The following KIF9 variants were observed in gnomAD, a reference collection of about 807,000 sequenced individuals.
KIF9 encodes the protein kinesin-like protein KIF9.
KIF9 carries 68 observed loss-of-function variants against 94.8 expected under a neutral mutation model. The ratio of observed to expected loss-of-function variants is 0.72; its 90% confidence interval spans 0.59 to 0.88. KIF9 has a LOEUF of 0.88. Among genes scored for constraint, KIF9 ranks in the 40% least tolerant of loss-of-function variants. KIF9 has a pLI of 0.00. For synonymous variants in KIF9, 343 were observed against 362.1 expected, an observed-to-expected ratio of 0.95 and a Z score of 0.60; for missense variants, 882 against 982.5, an observed-to-expected ratio of 0.90 and a Z score of 1.37.
chr3:47,236,814 A>G (rs1027191009), intron 17 of KIF9, among the ~76,000 whole-genome samples, 195 bp from the exon 18 acceptor site: 3 of 152,152 alleles, frequency 2.0e-5, no homozygotes, highest in African/African-American at 4.8e-5. Context: ...CAGGGAGGGG[A>G]GCTCAGCTCA....
Position 47,244,661 on chromosome 3 carries a change from C to G in KIF9, c.1514+130G>C, listed in dbSNP as rs1018038749. 4.3e-6 allele frequency: 5 copies of G among 1,154,870 alleles called. No homozygotes were observed. The African/African-American group carries it at 7.7e-5, about 18-fold the overall frequency. The allele number at this position is 1,154,870 out of a possible 1,614,324, so 71.5% of individuals were successfully genotyped here. On this transcript the variant is annotated intron_variant, in intron 15 of 20. Transcript: ENST00000684063. ...GGCCCCACAGACTTGCTAGTATTGG[C>G]AGCAGTGACGTCCATTGTGCCAACC...
At chr3:47,242,178 C>A (rs978080497) in intron 16 of KIF9, among the ~76,000 whole-genome samples, 10 of 152,072 alleles carry the variant, frequency 6.6e-5, no homozygotes, top group African/African-American at 2.4e-4. Flanking sequence ...CCGTGCCTGG[C>A]CTTTTTGATA....
At chr3:47,244,609 G>T in intron 15 of KIF9, 182 bp downstream of exon 15, 1 of 690,230 alleles carries the variant, frequency 1.4e-6, no homozygotes, top group African/African-American at 1.8e-5. Context: ...GATGATTCTT[G>T]TGCGGTTCCA....
Position 47,271,241 on chromosome 3 carries a change from A to G in KIF9, c.587T>C (p.Phe196Ser), listed in dbSNP as rs1559464735. ...SQEEDAFSLL[F>S]EGETNRIIAS... ...CCTCAGGTTTTATTATCTCACCTCA[A>G]AAAGGAGGCTGAATGCATCCTCCTC... Residue 196 changes from phenylalanine (F) to serine (S), a missense_variant, in exon 5 of 21, where the codon TTT becomes TCT. By Grantham distance (155) the Phe-to-Ser change is radical. Coordinates refer to ENST00000684063, the MANE Select transcript of KIF9 (RefSeq NM_182902.4). The G allele has an allele frequency of 6.2e-7, 1 of 1,611,240 alleles. No individual in the cohort carries two copies. The highest frequency in any genetic ancestry group is 1.3e-5 in the African/African-American group (1 of 74,988).
rs763210705 is a variant in KIF9, at chr3:47,265,776, G to A, written c.870C>T (p.Ile290=). 1.9e-6 allele frequency: 3 copies of A among 1,614,164 alleles called. No individual in the cohort carries two copies. The Admixed American group carries it at 5.0e-5, about 27-fold the overall frequency. The change falls in exon 8 of 21, where the codon ATC becomes ATT. Residue 290 remains isoleucine, a synonymous_variant. Transcript: ENST00000684063. ...IALGDQKRDH[I]PFRQCKLTHA... ...GGGTGAGCTTGCACTGCCGAAAGGGGATGTGGTCCCGCTTCTGGTCCCCAA... is the reference window on the plus strand; with the variant it reads ...GGGTGAGCTTGCACTGCCGAAAGGGAATGTGGTCCCGCTTCTGGTCCCCAA...
At chr3:47,271,887 G>A (rs1044292943) in intron 4 of KIF9, among the ~76,000 whole-genome samples, 1 of 152,120 alleles carries the variant, frequency 6.6e-6, no homozygotes, top group Admixed American at 6.5e-5. Context: ...TTTGGAAGGC[G>A]GAGGTGGGCA....
chr3:47,245,533 A>G (rs1263071313), intron 13 of KIF9, 22 bp from the exon 14 acceptor site: 3 of 1,586,626 alleles, frequency 1.9e-6, no homozygotes, highest in Middle Eastern at 3.9e-4. Flanking sequence ...GCAAGAGAGA[A>G]CAGCTTGTAC....
chr3:47,271,143 CAAAAAAAGAAAA>C lies in KIF9; in HGVS notation c.591+82_591+93del, dbSNP rs1208550491. ...TTGGAGAAAAACCAAGATCCTGTCT[CAAAAAAAGAAAA>C]AGAAAAAGAAAAAGAAAAGCTGAGA... On this transcript the variant is annotated intron_variant, in intron 5 of 20. Transcript: ENST00000684063. The C allele has an allele frequency of 1.2e-4, 105 of 871,454 alleles. No homozygotes were observed. In the South Asian group the frequency reaches 1.8e-3, roughly 15 times the overall value. The allele number at this position is 871,454 out of a possible 1,614,324, so 54.0% of individuals were successfully genotyped here.
intron 17 of KIF9, among the ~76,000 whole-genome samples, chr3:47,238,100 GTTTC>G (rs1699172714): frequency 6.6e-6 from 1 of 151,932 alleles, no homozygotes. Flanking sequence ...TTTTTCTTTT[GTTTC>G]TTTTTCTTTT....
chr3:47,254,836 A>G (rs913699907), intron 10 of KIF9, among the ~76,000 whole-genome samples: 1 of 152,118 alleles, frequency 6.6e-6, no homozygotes, highest in Non-Finnish European at 1.5e-5. Flanking sequence ...GAAATTTTTA[A>G]AAAAGAAAGA....
intron 20 of KIF9, among the ~76,000 whole-genome samples, chr3:47,233,719 A>C (rs1698791403): frequency 6.6e-6 from 1 of 151,932 alleles, no homozygotes; most frequent in Non-Finnish European, 1.5e-5. Context: ...AGAAAAAAAA[A>C]AGACACAGAA....
At chr3:47,240,373 C>T (rs1699378228) in intron 17 of KIF9, among the ~76,000 whole-genome samples, 1 of 152,188 alleles carries the variant, frequency 6.6e-6, no homozygotes. Flanking sequence ...TGTTCCCTTA[C>T]TTGGTTTTTC....
At position 47,236,447 on chromosome 3, in the gene KIF9, G is replaced by T; in HGVS notation, c.2097C>A (p.Leu699=). The T allele has an allele frequency of 6.2e-7, 1 of 1,612,956 alleles. No homozygotes were observed. The highest frequency in any genetic ancestry group is 8.5e-7 in the Non-Finnish European group (1 of 1,180,008). ...HLVDQCRHRL[L]MEFDIWYNES... ...CAACCTTCCCAACTGTCGCACCCAT[G>T]AGCAGGCGGTGGCGACACTGATCCA... Residue 699 remains leucine, a synonymous_variant, in exon 18 of 21, where the codon CTC becomes CTA. Coordinates refer to ENST00000684063, the MANE Select transcript of KIF9 (RefSeq NM_182902.4).
chr3:47,272,940 G>C (rs983247669), intron 4 of KIF9, among the ~76,000 whole-genome samples: 1 of 152,126 alleles, frequency 6.6e-6, no homozygotes, highest in Non-Finnish European at 1.5e-5. Flanking sequence ...CTTCTTATAG[G>C]ACAGGGCTGT....
At chr3:47,262,859 A>C (rs912149798) in intron 9 of KIF9, among the ~76,000 whole-genome samples, 2 of 152,156 alleles carry the variant, frequency 1.3e-5, no homozygotes, top group African/African-American at 2.4e-5. Context: ...TTGAAAAGTA[A>C]AATGTCTAAT....
chr3:47,263,161 T>C (rs1049656263), intron 9 of KIF9, among the ~76,000 whole-genome samples: 7 of 152,200 alleles, frequency 4.6e-5, no homozygotes, highest in African/African-American at 1.4e-4. Context: ...CCTCCCAAAG[T>C]GCTGGGATTA....
intron 1 of KIF9, chr3:47,280,855 A>G: frequency 1.4e-6 from 1 of 700,370 alleles, no homozygotes; most frequent in Non-Finnish European, 2.6e-6. Flanking sequence ...ATCCACCTGC[A>G]ATAAAGTCTT....
At chr3:47,268,180 G>C (rs1446951014) in intron 5 of KIF9, among the ~76,000 whole-genome samples, 4 of 151,978 alleles carry the variant, frequency 2.6e-5, no homozygotes, top group Admixed American at 6.6e-5. Flanking sequence ...CTAGTAATTT[G>C]TATTTTTAAA....
chr3:47,256,119 C>T (rs1417328513), intron 10 of KIF9, among the ~76,000 whole-genome samples: 2 of 152,252 alleles, frequency 1.3e-5, no homozygotes, highest in Non-Finnish European at 2.9e-5. Context: ...ACAACTTCCA[C>T]CTCCCAGCCG....
Sources: gnomAD v4.1 joint callset for allele counts (sites outside exome capture counted in the v4.1 genomes callset) on GRCh38, gnomAD v4.1.1 for gene constraint, MANE v1.5 for transcripts, NCBI Gene and HGNC (gene_info 2026-07-23, HGNC 2026-07-21) for gene names.